PRR7: variants seen among roughly 807,000 people sequenced by gnomAD.
PRR7 encodes the protein proline-rich protein 7.
PRR7 carries 8 observed loss-of-function variants against 18.5 expected under a neutral mutation model. That is an observed-to-expected ratio of 0.43 (90% confidence interval 0.25 to 0.78). The LOEUF (loss-of-function observed/expected upper bound fraction) is 0.78, where lower values mean the gene tolerates loss of function less well. Ranked by LOEUF, PRR7 falls within the 30% of genes least tolerant of loss-of-function variation. The pLI is 0.22. For synonymous variants in PRR7, 221 were observed against 187.7 expected, an observed-to-expected ratio of 1.18 and a Z score of -1.45; for missense variants, 396 against 403.1, an observed-to-expected ratio of 0.98 and a Z score of 0.15.
In PRR7 at chr5:177,455,830, C is replaced by A. The variant is rs753554158; in HGVS notation, c.534C>A (p.Arg178=). 1 of 1,612,194 alleles carries A rather than the reference C, an allele frequency of 6.2e-7. No homozygotes were observed. Among genetic ancestry groups the A allele is most frequent in the Non-Finnish European group, 8.5e-7 (1 of 1,179,732 alleles). The change falls in exon 4 of 4, where the codon CGC becomes CGA. Residue 178 remains arginine, a synonymous_variant. Coordinates refer to ENST00000323249, the MANE Select transcript of PRR7 (RefSeq NM_030567.5). This position sits in a 1 kb window ranked among gnomAD's most constrained non-coding sequence, Gnocchi z 6.9. ...EVLTDTRGLY[R]KIVTPFLSRR... ...TCACGGACACGCGCGGCCTCTACCG[C>A]AAGATCGTCACGCCCTTCCTGAGTC... is the stretch of plus-strand genomic sequence containing the variant.
rs1433636176 is a variant in PRR7 at position 177,450,783 on chromosome 5, T to C, written c.-324-3173T>C. Reference sequence around the variant, plus strand: ...GCTCCCTGGCCCTGCAGTACCAGCATCTGCTGGAAATTTGTTTAAAATGCA... The same window carrying C: ...GCTCCCTGGCCCTGCAGTACCAGCACCTGCTGGAAATTTGTTTAAAATGCA... On this transcript the variant is annotated intron_variant, in intron 1 of 3. Coordinates refer to ENST00000323249, the MANE Select transcript of PRR7 (RefSeq NM_030567.5). The surrounding 1 kb of genome is among the most constrained non-coding windows in gnomAD (Gnocchi z 6.6). Among the ~76,000 whole-genome samples, 2 of 152,242 alleles carry C rather than the reference T, an allele frequency of 1.3e-5. No individual in the cohort carries two copies. The highest frequency in any genetic ancestry group is 6.5e-5 in the Admixed American group (1 of 15,288).
chr5:177,450,774 G>A lies in PRR7; in HGVS notation c.-324-3182G>A, dbSNP rs1756141981. Among the ~76,000 whole-genome samples the A allele has an allele frequency of 6.6e-6, 1 of 152,242 alleles. No homozygotes were observed. The highest frequency in any genetic ancestry group is 1.5e-5 in the Non-Finnish European group (1 of 68,038). On this transcript the variant is annotated intron_variant, in intron 1 of 3. Transcript: ENST00000323249. The surrounding 1 kb of genome is among the most constrained non-coding windows in gnomAD (Gnocchi z 6.6). ...TCAAAGTGTGCTCCCTGGCCCTGCA[G>A]TACCAGCATCTGCTGGAAATTTGTT...
chr5:177,454,065 A>G lies in PRR7; in HGVS notation c.-240+25A>G, dbSNP rs1349346565. On this transcript the variant is annotated intron_variant, in intron 2 of 3. Transcript: ENST00000323249. The surrounding 1 kb of genome is among the most constrained non-coding windows in gnomAD (Gnocchi z 4.7). ...GGTGGGTACGAAAGACTAGCTTCCA[A>G]CCCTCATCTAGTTTTCCTCCCCTCC... The G allele has an allele frequency of 2.0e-5, 3 of 152,306 alleles. No homozygotes were observed. The highest frequency in any genetic ancestry group is 4.8e-5 in the African/African-American group (2 of 41,416). 9.4% of individuals were successfully genotyped at this position (152,306 alleles called of 1,614,324 possible).
At position 177,454,311 on chromosome 5, in the gene PRR7, G is replaced by A. The variant is rs1444850467; in HGVS notation, c.-240+271G>A. Among the ~76,000 whole-genome samples the A allele has an allele frequency of 6.6e-6, 1 of 152,238 alleles. No homozygotes were observed. Among genetic ancestry groups the A allele is most frequent in the African/African-American group, 2.4e-5 (1 of 41,470 alleles). On this transcript the variant is annotated intron_variant, in intron 2 of 3. Coordinates refer to ENST00000323249, the MANE Select transcript of PRR7 (RefSeq NM_030567.5). The surrounding 1 kb of genome is among the most constrained non-coding windows in gnomAD (Gnocchi z 4.7). ...CACCCGCCTGAGCCCCCCTACGGGA[G>A]CGGCGGGAGACCCGGAGGGCGCGGT...
Position 177,455,812 on chromosome 5 carries a change from C to T in PRR7, c.516C>T (p.Asp172=), listed in dbSNP as rs768121028. Residue 172 remains aspartate (D), a synonymous_variant, in exon 4 of 4, where the codon GAC becomes GAT. Transcript: ENST00000323249. This position sits in a 1 kb window ranked among gnomAD's most constrained non-coding sequence, Gnocchi z 6.9. ...CGCCCTATAGCGAGGTGCTCACGGA[C>T]ACGCGCGGCCTCTACCGCAAGATCG... The part of the protein sequence containing the change: ...PPPPYSEVLT[D]TRGLYRKIVT... 6 of 1,611,914 alleles carry T rather than the reference C, an allele frequency of 3.7e-6. No homozygotes were observed. The highest frequency in any genetic ancestry group is 2.7e-5 in the African/African-American group (2 of 74,892).
At position 177,454,765 on chromosome 5, in the gene PRR7, CGGGGGCCGGGAAGTCGTT is replaced by C. The variant is rs1411371465; in HGVS notation, c.-239-55_-239-38del. ...TTCCCCGGACTGCGCAGGGCGCGGG[CGGGGGCCGGGAAGTCGTT>C]GGGGGCCGCGGCGCGCCTTCACTGC... On this transcript the variant is annotated intron_variant, in intron 2 of 3. Coordinates refer to ENST00000323249, the MANE Select transcript of PRR7 (RefSeq NM_030567.5). The surrounding 1 kb of genome is among the most constrained non-coding windows in gnomAD (Gnocchi z 4.7). 1 of 175,590 alleles carries C rather than the reference CGGGGGCCGGGAAGTCGTT, an allele frequency of 5.7e-6. No homozygotes were observed. Among genetic ancestry groups the C allele is most frequent in the Non-Finnish European group, 1.2e-5 (1 of 84,102 alleles). The allele number at this position is 175,590 out of a possible 1,614,324, so 10.9% of individuals were successfully genotyped here.
chr5:177,455,372 T>G lies in PRR7; in HGVS notation c.305T>G (p.Leu102Arg), dbSNP rs1756363017. The change falls in exon 3 of 4, where the codon CTG (leucine) becomes CGG (arginine). Residue 102 changes from leucine (L) to arginine (R), a missense_variant. By Grantham distance (102) the Leu-to-Arg change is moderately radical (BLOSUM62 -2). Around this residue, in one of 2 missense-constraint regions of PRR7, gnomAD observed 383 missense variants for 372.6 expected, o/e 1.03. Transcript: ENST00000323249. This position sits in a 1 kb window ranked among gnomAD's most constrained non-coding sequence, Gnocchi z 6.9. ...SHPHVHVHPL[L>R]HHGPAQPHAH... is the part of the protein sequence containing the mutation. ...CCGCACGTGCACGTGCACCCGCTGC[T>G]GCACCACGGGCCCGCGCAGCCGCAC... The G allele has an allele frequency of 1.3e-6, 2 of 1,497,134 alleles. No individual in the cohort carries two copies. Among genetic ancestry groups the G allele is most frequent in the African/African-American group, 1.5e-5 (1 of 68,606 alleles). The allele number at this position is 1,497,134 out of a possible 1,614,324, so 92.7% of individuals were successfully genotyped here. A position where few individuals can be genotyped will look rare whatever the true frequency, so the allele number is the denominator to read the frequency against.
At chr5:177,447,869 G>C (rs1313383618) in intron 1 of PRR7, among the ~76,000 whole-genome samples, 1 of 152,236 alleles carries the variant, frequency 6.6e-6, no homozygotes, top group African/African-American at 2.4e-5. Flanking sequence ...TGGATCACAA[G>C]TGCCCCTTTC....
In PRR7 at chr5:177,455,384, C is replaced by CCGCGCAGCCGCACGCGCACGCGCA; in HGVS notation, c.319_342dup (p.Ala107_His114dup). 1 of 1,492,280 alleles carries CCGCGCAGCCGCACGCGCACGCGCA rather than the reference C, an allele frequency of 6.7e-7. No homozygotes were observed. The highest frequency in any genetic ancestry group is 2.8e-5 in the East Asian group (1 of 36,094). The allele number at this position is 1,492,280 out of a possible 1,614,324, so 92.4% of individuals were successfully genotyped here. On this transcript the variant is annotated inframe_insertion, in exon 3 of 4. Transcript: ENST00000323249. This position sits in a 1 kb window ranked among gnomAD's most constrained non-coding sequence, Gnocchi z 6.9. ...GTGCACCCGCTGCTGCACCACGGGC[C>CCGCGCAGCCGCACGCGCACGCGCA]CGCGCAGCCGCACGCGCACGCGCAC...
rs1443072505 is a variant in PRR7 at position 177,450,407 on chromosome 5, AG to A, written c.-325+3449del. ...CCACTTGCTTATGAACTGCCCTGCC[AG>A]GCGGGGGCTGGGTGATGGCTCTTCT... On this transcript the variant is annotated intron_variant, in intron 1 of 3. Transcript: ENST00000323249. This position sits in a 1 kb window ranked among gnomAD's most constrained non-coding sequence, Gnocchi z 6.6. Among the ~76,000 whole-genome samples, 5 of 152,190 alleles carry A rather than the reference AG, an allele frequency of 3.3e-5. No homozygotes were observed. The highest frequency in any genetic ancestry group is 6.5e-5 in the Admixed American group (1 of 15,278).
Position 177,454,630 on chromosome 5 carries a change from C to A in PRR7, c.-239-199C>A, listed in dbSNP as rs1756309045. ...GGCGCCCGGGCTCCGCGGCGGCGGC[C>A]GGGGCTCAGATCGGGGAAACCCTAC... On this transcript the variant is annotated intron_variant, in intron 2 of 3. Coordinates refer to ENST00000323249, the MANE Select transcript of PRR7 (RefSeq NM_030567.5). The surrounding 1 kb of genome is among the most constrained non-coding windows in gnomAD (Gnocchi z 4.7). Among the ~76,000 whole-genome samples, 1 of 151,910 alleles carries A rather than the reference C, an allele frequency of 6.6e-6. No homozygotes were observed. Among genetic ancestry groups the A allele is most frequent in the Non-Finnish European group, 1.5e-5 (1 of 67,908 alleles).
rs1196742829 is a variant in PRR7, at chr5:177,449,853, G to T, written c.-325+2893G>T. 2.0e-5 allele frequency among the ~76,000 whole-genome samples: 3 copies of T among 152,154 alleles called. No homozygotes were observed. The highest frequency in any genetic ancestry group is 2.1e-4 in the South Asian group (1 of 4,826). On this transcript the variant is annotated intron_variant, in intron 1 of 3. Transcript: ENST00000323249. The surrounding 1 kb of genome is among the most constrained non-coding windows in gnomAD (Gnocchi z 4.2). ...CACTCAGTACCCTGGCCTAGGCGGA[G>T]GGCGGTTCTGGCCAGCTCCAAGCCT...
intron 1 of PRR7, among the ~76,000 whole-genome samples, chr5:177,448,079 C>T (rs1388392038): frequency 6.6e-6 from 1 of 152,228 alleles, no homozygotes; most frequent in Non-Finnish European, 1.5e-5. Context: ...AATGGCCCTC[C>T]TGCCAGCTCT....
At position 177,456,253 on chromosome 5, in the gene PRR7, GGAT is replaced by G; in HGVS notation, c.*133_*135del. On this transcript the variant is annotated 3_prime_UTR_variant, in exon 4 of 4. Transcript: ENST00000323249. Reference sequence around the variant, plus strand: ...TCTTATCCCGTTTGTTACATTTTGAGGATAATAAAGGTGTGTGATCTGGTTTGG... The same window carrying G: ...TCTTATCCCGTTTGTTACATTTTGAGAATAAAGGTGTGTGATCTGGTTTGG... 2 of 1,193,018 alleles carry G rather than the reference GGAT, an allele frequency of 1.7e-6. No individual in the cohort carries two copies. Among genetic ancestry groups the G allele is most frequent in the Non-Finnish European group, 2.2e-6 (2 of 900,388 alleles). The allele number at this position is 1,193,018 out of a possible 1,614,324, so 73.9% of individuals were successfully genotyped here.
At chr5:177,448,753 C>T (rs1756037828) in intron 1 of PRR7, among the ~76,000 whole-genome samples, 1 of 152,234 alleles carries the variant, frequency 6.6e-6, no homozygotes, top group Non-Finnish European at 1.5e-5. Context: ...TCCTCCCTCC[C>T]TCCATTTTCT....
rs1259002067 is a variant in PRR7 at position 177,455,088 on chromosome 5, C to G, written c.21C>G (p.Thr7=). 1 of 1,493,078 alleles carries G rather than the reference C, an allele frequency of 6.7e-7. No homozygotes were observed. Among genetic ancestry groups the G allele is most frequent in the South Asian group, 1.3e-5 (1 of 76,848 alleles). The allele number at this position is 1,493,078 out of a possible 1,614,324, so 92.5% of individuals were successfully genotyped here. A position where few individuals can be genotyped will look rare whatever the true frequency, so the allele number is the denominator to read the frequency against. Residue 7 remains threonine, a synonymous_variant, in exon 3 of 4, where the codon ACC becomes ACG. Transcript: ENST00000323249. The surrounding 1 kb of genome is among the most constrained non-coding windows in gnomAD (Gnocchi z 6.9). ...CCGCCATGGTGATGTCCCAGGGCAC[C>G]TACACGTTCCTCACGTGCTTCGCCG... MVMSQG[T]YTFLTCFAGF...
intron 1 of PRR7, among the ~76,000 whole-genome samples, chr5:177,452,245 G>A (rs1756196856): frequency 6.6e-6 from 1 of 152,228 alleles, no homozygotes; most frequent in Admixed American, 6.5e-5. Context: ...GTAGGTAGGA[G>A]GAGGCACGTA....
At chr5:177,452,826 T>C (rs1190266885) in intron 1 of PRR7, among the ~76,000 whole-genome samples, 1 of 152,228 alleles carries the variant, frequency 6.6e-6, no homozygotes, top group African/African-American at 2.4e-5. Context: ...TGTCTCTTGC[T>C]AACCTGGCGC....
In PRR7 at chr5:177,449,060, ACTGT is replaced by A. The variant is rs1756056908; in HGVS notation, c.-325+2102_-325+2105del. Among the ~76,000 whole-genome samples the A allele has an allele frequency of 2.6e-5, 4 of 152,368 alleles. No individual in the cohort carries two copies. The South Asian group carries it at 8.3e-4, about 32-fold the overall frequency. On this transcript the variant is annotated intron_variant, in intron 1 of 3. Coordinates refer to ENST00000323249, the MANE Select transcript of PRR7 (RefSeq NM_030567.5). This position sits in a 1 kb window ranked among gnomAD's most constrained non-coding sequence, Gnocchi z 4.2. ...TGAAATGTGGACTTGGTATGACCTG[ACTGT>A]CCAATTTTCAAGATGAACCAGAAAT...
Sources: allele counts gnomAD v4.1 joint callset (sites outside exome capture counted in the v4.1 genomes callset), GRCh38; gene constraint gnomAD v4.1.1; regional missense constraint gnomAD v4.1.1; non-coding constraint Gnocchi (gnomAD v3.1); transcripts MANE v1.5; gene names NCBI Gene and HGNC (gene_info 2026-07-23, HGNC 2026-07-21).